LRMDA: variants seen among roughly 807,000 people sequenced by gnomAD.
LRMDA encodes the protein leucine rich melanocyte differentiation associated.
In LRMDA, 18 loss-of-function variants were observed where a neutral mutation model predicts 29.8. The observed-to-expected ratio is 0.60, with a 90% CI of 0.42 to 0.90. LRMDA has a LOEUF of 0.90. LRMDA is among the 40% of genes least tolerant of loss of function. LRMDA has a pLI of 0.00. For synonymous variants in LRMDA, 125 were observed against 109.4 expected (o/e 1.14, Z -0.89); for missense variants, 273 against 273.9 (o/e 1.00, Z 0.02).
At chr10:75,592,856 TA>T (rs1840740921) in intron 2 of LRMDA, among the ~76,000 whole-genome samples, 1 of 152,242 alleles carries the variant, frequency 6.6e-6, no homozygotes, top group African/African-American at 2.4e-5. Context: ...TGCCTAGTTT[TA>T]AAGTCTACTT....
At chr10:76,183,552 C>A (rs58073738) in intron 5 of LRMDA, among the ~76,000 whole-genome samples, 1 of 152,052 alleles carries the variant, frequency 6.6e-6, no homozygotes, top group Non-Finnish European at 1.5e-5. Flanking sequence ...ACACAGAACC[C>A]GGTTGGGACA....
At chr10:75,984,859 G>A (rs1327055217) in intron 2 of LRMDA, among the ~76,000 whole-genome samples, 2 of 152,196 alleles carry the variant, frequency 1.3e-5, no homozygotes, top group Admixed American at 6.5e-5. Context: ...CTCACCCTCT[G>A]CTCAAAAGGC....
rs374687565 is a variant in LRMDA, at chr10:76,059,385, G to A, written c.516+602G>A. ...AGTCTGTAAGTGAATTTGGTGTCATGCTAATGGCAGCTCTGATGAGGCAGT... is the reference window on the plus strand; with the variant it reads ...AGTCTGTAAGTGAATTTGGTGTCATACTAATGGCAGCTCTGATGAGGCAGT... On this transcript the variant is annotated intron_variant, in intron 5 of 6. Coordinates refer to ENST00000611255, the MANE Select transcript of LRMDA (RefSeq NM_001305581.2). Among the ~76,000 whole-genome samples the A allele has an allele frequency of 2.6e-5, 4 of 152,206 alleles. No homozygotes were observed. In the East Asian group the frequency reaches 7.7e-4, roughly 29 times the overall value.
chr10:76,018,843 G>A (rs189327592), intron 2 of LRMDA, among the ~76,000 whole-genome samples: 3 of 152,132 alleles, frequency 2.0e-5, no homozygotes, highest in South Asian at 2.1e-4. Context: ...TGGGATTATA[G>A]GCGTGAGTGA....
chr10:76,509,561 A>G (rs1242938324), intron 6 of LRMDA, among the ~76,000 whole-genome samples: 1 of 152,222 alleles, frequency 6.6e-6, no homozygotes, highest in East Asian at 1.9e-4. Context: ...TATGCCAGAC[A>G]GTAATAAATG....
intron 6 of LRMDA, among the ~76,000 whole-genome samples, chr10:76,501,389 C>T (rs1842907821): frequency 2.0e-5 from 3 of 151,880 alleles, no homozygotes; most frequent in Admixed American, 6.6e-5. Context: ...GGTGTATACC[C>T]AGTAATTGGG....
intron 3 of LRMDA, among the ~76,000 whole-genome samples, chr10:76,038,537 C>T (rs954244318): frequency 2.0e-5 from 3 of 152,138 alleles, no homozygotes; most frequent in Non-Finnish European, 1.5e-5. Flanking sequence ...CCTTTTTTCT[C>T]CTCTGCTCTA....
At chr10:76,363,478 C>T (rs1009866650) in intron 6 of LRMDA, among the ~76,000 whole-genome samples, 3 of 151,970 alleles carry the variant, frequency 2.0e-5, no homozygotes, top group African/African-American at 7.2e-5. Flanking sequence ...TTACGGGATG[C>T]AAGATTAATA....
Position 75,910,795 on chromosome 10 carries a change from C to T in LRMDA, c.132-125213C>T, listed in dbSNP as rs180791744. On this transcript the variant is annotated intron_variant, in intron 2 of 6. Transcript: ENST00000611255. ...AATCCCTGGTCTCTCTACCAGATACCGAGGTGGCCAGGTCTCATCAAACTC... is the reference window on the plus strand; with the variant it reads ...AATCCCTGGTCTCTCTACCAGATACTGAGGTGGCCAGGTCTCATCAAACTC... Among the ~76,000 whole-genome samples the T allele has an allele frequency of 2.2e-3, 337 of 152,236 alleles. 2 individuals carry two copies. Among genetic ancestry groups the T allele is most frequent in the Non-Finnish European group, 2.8e-3 (191 of 68,004 alleles).
At chr10:76,083,947 C>T (rs948504633) in intron 5 of LRMDA, among the ~76,000 whole-genome samples, 1 of 152,018 alleles carries the variant, frequency 6.6e-6, no homozygotes, top group Non-Finnish European at 1.5e-5. Flanking sequence ...CCTGGTAGCA[C>T]CTACTTACTT....
At chr10:75,907,975 C>T (rs7911335) in intron 2 of LRMDA, among the ~76,000 whole-genome samples, 2,543 of 152,198 alleles carry the variant, frequency 0.017, 67 homozygotes, top group African/African-American at 0.057. Context: ...CTGATGAAGA[C>T]GCTCCCTGAA....
intron 2 of LRMDA, among the ~76,000 whole-genome samples, chr10:75,521,718 A>C (rs1479818333): frequency 6.6e-6 from 1 of 152,200 alleles, no homozygotes; most frequent in East Asian, 1.9e-4. Context: ...GGCTGCACCC[A>C]CTGTCCAACC....
At chr10:75,834,598 C>A (rs1343001484) in intron 2 of LRMDA, among the ~76,000 whole-genome samples, 1 of 152,192 alleles carries the variant, frequency 6.6e-6, no homozygotes, top group Non-Finnish European at 1.5e-5. Flanking sequence ...ATTGGACCTT[C>A]AACACTTTGC....
intron 5 of LRMDA, among the ~76,000 whole-genome samples, chr10:76,230,551 G>A (rs1338998792): frequency 1.5e-5 from 2 of 135,266 alleles, no homozygotes; most frequent in African/African-American, 2.6e-5. Flanking sequence ...ACTGTTAAGA[G>A]GGCAAAAAAA....
chr10:76,443,465 A>G (rs751524179), intron 6 of LRMDA, among the ~76,000 whole-genome samples: 3 of 152,158 alleles, frequency 2.0e-5, no homozygotes, highest in Non-Finnish European at 2.9e-5. Context: ...GGATTAGATA[A>G]TGGTAGTTAG....
At chr10:76,029,159 A>G (rs1330931988) in intron 2 of LRMDA, among the ~76,000 whole-genome samples, 1 of 152,160 alleles carries the variant, frequency 6.6e-6, no homozygotes, top group Admixed American at 6.5e-5. Flanking sequence ...CTTTATTCCT[A>G]CATGAGTATC....
intron 2 of LRMDA, among the ~76,000 whole-genome samples, chr10:75,478,697 A>C (rs1166404923): frequency 6.6e-6 from 1 of 152,190 alleles, no homozygotes; most frequent in Non-Finnish European, 1.5e-5. Flanking sequence ...AAGTCTCCAA[A>C]AAGACCATTT....
intron 2 of LRMDA, among the ~76,000 whole-genome samples, chr10:75,995,041 T>A: frequency 6.6e-6 from 1 of 152,194 alleles, no homozygotes; most frequent in South Asian, 2.1e-4. Flanking sequence ...CCATTATATA[T>A]TTTGGAATGC....
At chr10:75,642,923 G>A (rs890217556) in intron 2 of LRMDA, 38 of 152,240 alleles carry the variant, frequency 2.5e-4, no homozygotes, top group African/African-American at 8.7e-4. Context: ...TGTGGGTCAG[G>A]AATTTGGAGA....
Sources: allele counts gnomAD v4.1 joint callset (sites outside exome capture counted in the v4.1 genomes callset), GRCh38; gene constraint gnomAD v4.1.1; transcripts MANE v1.5; gene names NCBI Gene and HGNC (gene_info 2026-07-23, HGNC 2026-07-21).